Variants in TBC1D17 observed in about 807,000 individuals in gnomAD.
TBC1D17 encodes the protein TBC1 domain family member 17, also known as TBC1 domain family, member 17.
TBC1D17 carries 69 observed loss-of-function variants against 78.8 expected under a neutral mutation model. That is an observed-to-expected ratio of 0.88 (90% CI 0.72 to 1.07). The LOEUF (loss-of-function observed/expected upper bound fraction) is 1.07, where lower values mean the gene tolerates loss of function less well. TBC1D17 is among the 50% of genes least tolerant of loss of function. The pLI is 0.00. For missense variants in TBC1D17, 957 were observed against 861.0 expected (o/e 1.11, Z -1.39); for synonymous variants, 456 against 358.3 (o/e 1.27, Z -3.08).
chr19:49,880,767 C>T (rs989807056), intron 4 of TBC1D17, among the ~76,000 whole-genome samples: 3 of 152,198 alleles, frequency 2.0e-5, no homozygotes, highest in Non-Finnish European at 2.9e-5. Context: ...AGAGAAGGCA[C>T]GTGACCCCTC....
chr19:49,884,665 A>G lies in TBC1D17; in HGVS notation c.1351A>G (p.Asn451Asp), dbSNP rs759621307. 44 of 1,613,874 alleles carry G rather than the reference A, an allele frequency of 2.7e-5. No individual in the cohort carries two copies. Among genetic ancestry groups the G allele is most frequent in the Middle Eastern group, 1.6e-4 (1 of 6,084 alleles). Residue 451 changes from asparagine to aspartate, a missense_variant, in exon 13 of 17, where the codon AAC (asparagine) becomes GAC (aspartate). Coordinates refer to ENST00000221543, the MANE Select transcript of TBC1D17 (RefSeq NM_024682.3). ...FCGFMELVQG[N>D]FEESQETMKR... is the part of the protein sequence containing the mutation. ...CCCTCCTTCCGTCCCACAGCAAGGG[A>G]ACTTTGAAGAGAGCCAGGAGACCAT...
At chr19:49,879,979 G>A (rs866895250) in intron 3 of TBC1D17, among the ~76,000 whole-genome samples, 1 of 151,124 alleles carries the variant, frequency 6.6e-6, no homozygotes, top group Non-Finnish European at 1.5e-5. Context: ...TCACCCTCCC[G>A]AGTAGCTGGG....
At chr19:49,882,629 G>A (rs542696300) in intron 7 of TBC1D17, 135 bp from the exon 8 acceptor site, 354 of 1,405,096 alleles carry the variant, frequency 2.5e-4, no homozygotes, top group Non-Finnish European at 3.1e-4. Flanking sequence ...GCTGAGCCCC[G>A]GAAGAGGCTG....
chr19:49,884,409 C>G (rs775090573), intron 11 of TBC1D17, 40 bp downstream of exon 11: 1 of 1,613,786 alleles, frequency 6.2e-7, no homozygotes, highest in Non-Finnish European at 8.5e-7. Flanking sequence ...CCGGGGCTGT[C>G]CAGGGGAGCG....
Position 49,884,776 on chromosome 19 carries a change from G to A in TBC1D17, c.1444+18G>A, listed in dbSNP as rs1568677175. ...CTTCCTGGGTATGTCTCTCGGGAGGGTGGGCAGGAGACAATGGGGCCATAG... is the reference window on the plus strand; with the variant it reads ...CTTCCTGGGTATGTCTCTCGGGAGGATGGGCAGGAGACAATGGGGCCATAG... On this transcript the variant is annotated intron_variant, in intron 13 of 16. Coordinates refer to ENST00000221543, the MANE Select transcript of TBC1D17 (RefSeq NM_024682.3). 6.2e-7 allele frequency: 1 copy of A among 1,610,508 alleles called. No individual in the cohort carries two copies. Among genetic ancestry groups the A allele is most frequent in the Non-Finnish European group, 8.5e-7 (1 of 1,177,356 alleles).
At chr19:49,878,646 A>G (rs374533805) in intron 3 of TBC1D17, 74 bp downstream of exon 3, 49 of 1,423,648 alleles carry the variant, frequency 3.4e-5, no homozygotes, top group East Asian at 3.2e-4. Flanking sequence ...CATTTGAGGG[A>G]CCTGCGTACA....
intron 9 of TBC1D17, 60 bp downstream of exon 9, chr19:49,883,136 A>G: frequency 6.7e-7 from 1 of 1,483,040 alleles, no homozygotes; most frequent in Non-Finnish European, 9.2e-7. Flanking sequence ...CTAGGGCACC[A>G]ATGGGCAAGT....
chr19:49,877,964 G>A, intron 1 of TBC1D17, 179 bp from the exon 2 acceptor site: 2 of 719,796 alleles, frequency 2.8e-6, no homozygotes, highest in Non-Finnish European at 4.5e-6. Flanking sequence ...CCTGCCCCCT[G>A]TGGAACGCAC....
At chr19:49,888,170 G>A (rs1297673566) in intron 15 of TBC1D17, 61 bp from the exon 16 acceptor site, 4 of 1,550,028 alleles carry the variant, frequency 2.6e-6, no homozygotes, top group Admixed American at 2.0e-5. Context: ...GAAGCACAGA[G>A]TGGGCGCTCG....
intron 13 of TBC1D17, among the ~76,000 whole-genome samples, chr19:49,885,886 A>G (rs898194930): frequency 1.3e-5 from 2 of 151,298 alleles, no homozygotes; most frequent in Non-Finnish European, 2.9e-5. Context: ...GAGGCACAAG[A>G]ATCACTCGAA....
At position 49,883,745 on chromosome 19, in the gene TBC1D17, G is replaced by C. The variant is rs374232022; in HGVS notation, c.1126G>C (p.Glu376Gln). 3.1e-6 allele frequency: 5 copies of C among 1,613,386 alleles called. No homozygotes were observed. In the East Asian group the frequency reaches 1.1e-4, roughly 36 times the overall value. Residue 376 changes from glutamate to glutamine, a missense_variant and splice_region_variant, in exon 10 of 17, where the codon GAA becomes CAA. Physicochemically the swap from Glu to Gln is conservative, Grantham distance 29 (BLOSUM62 2). Transcript: ENST00000221543. ...TCTGCATGGATACCGCAGCCTCATC[G>C]GTCAGTGTCAGGGGTGGCACTTAGG... is the stretch of plus-strand genomic sequence containing the variant. ...SLLHGYRSLI[E>Q]RDVSRTDRTN...
At chr19:49,887,318 G>A (rs1328598580) in intron 13 of TBC1D17, 158 bp from the exon 14 acceptor site, 3 of 663,188 alleles carry the variant, frequency 4.5e-6, no homozygotes, top group Non-Finnish European at 8.0e-6. Context: ...GAGGGGCAGG[G>A]CCCGCGTTCA....
At chr19:49,884,154 G>T (rs1456586133) in intron 10 of TBC1D17, 99 bp from the exon 11 acceptor site, 3 of 1,079,766 alleles carry the variant, frequency 2.8e-6, no homozygotes, top group Non-Finnish European at 2.8e-6. Context: ...GAGGCTGGGG[G>T]CTGCCAGCAG....
At position 49,877,981 on chromosome 19, in the gene TBC1D17, A is replaced by T. The variant is rs728899; in HGVS notation, c.22-162A>T. On this transcript the variant is annotated intron_variant, in intron 1 of 16. Transcript: ENST00000221543. ...TGCCCCCTGTGGAACGCACGTCAGCATCCGAACGCGGGCTGGACCATTCTC... is the reference window on the plus strand; with the variant it reads ...TGCCCCCTGTGGAACGCACGTCAGCTTCCGAACGCGGGCTGGACCATTCTC... 7.8e-3 allele frequency: 5,531 copies of T among 710,542 alleles called. 21 individuals carry two copies. Among genetic ancestry groups the T allele is most frequent in the Non-Finnish European group, 0.01 (4,630 of 446,132 alleles). The allele number at this position is 710,542 out of a possible 1,614,324, so 44.0% of individuals were successfully genotyped here. A position where few individuals can be genotyped will look rare whatever the true frequency, so the allele number is the denominator to read the frequency against.
In TBC1D17 at chr19:49,887,780, C is replaced by T. The variant is rs1281521552; in HGVS notation, c.1605C>T (p.Asp535=). ...LHLLVACAIL[D]MERDTLMLSG... is the part of the protein sequence containing the mutation. ...TGCTGGTGGCCTGCGCCATCCTGGACATGGAGAGGGACACCCTCATGCTGT... is the reference window on the plus strand; with the variant it reads ...TGCTGGTGGCCTGCGCCATCCTGGATATGGAGAGGGACACCCTCATGCTGT... Residue 535 remains aspartate (D), a synonymous_variant, in exon 15 of 17, where the codon GAC becomes GAT. Transcript: ENST00000221543. 5 of 1,613,168 alleles carry T rather than the reference C, an allele frequency of 3.1e-6. No individual in the cohort carries two copies. The highest frequency in any genetic ancestry group is 1.7e-5 in the Admixed American group (1 of 59,948).
intron 13 of TBC1D17, among the ~76,000 whole-genome samples, chr19:49,886,373 C>T (rs2075058540): frequency 6.6e-6 from 1 of 151,988 alleles, no homozygotes; most frequent in Non-Finnish European, 1.5e-5. Context: ...GCTTTAGGAC[C>T]CCCGGGGGAG....
rs1376233972 is a variant in TBC1D17, at chr19:49,885,995, AAAAG to A, written c.1444+1238_1444+1241del. 4.7e-5 allele frequency among the ~76,000 whole-genome samples: 7 copies of A among 147,722 alleles called. No individual in the cohort carries two copies. In the East Asian group the frequency reaches 1.0e-3, roughly 22 times the overall value. Reference sequence around the variant, plus strand: ...GCCTCAAAAAAAAAAAAAAAAAAAAAAAAGGTCGGGTGTGGTGGCTCACGCCTGT... The same window carrying A: ...GCCTCAAAAAAAAAAAAAAAAAAAAAGTCGGGTGTGGTGGCTCACGCCTGT... On this transcript the variant is annotated intron_variant, in intron 13 of 16. Coordinates refer to ENST00000221543, the MANE Select transcript of TBC1D17 (RefSeq NM_024682.3).
chr19:49,879,207 G>C (rs141100313), intron 3 of TBC1D17: 1 of 152,432 alleles, frequency 6.6e-6, no homozygotes, highest in African/African-American at 2.4e-5. Context: ...AGGACAAGAA[G>C]GTATTTCAGG....
chr19:49,878,414 G>A, intron 2 of TBC1D17, 84 bp from the exon 3 acceptor site: 2 of 1,419,788 alleles, frequency 1.4e-6, no homozygotes, highest in Non-Finnish European at 2.0e-6. Flanking sequence ...GGTAGAAACT[G>A]GGAAAGTTTG....
Sources: gnomAD v4.1 joint callset for allele counts (sites outside exome capture counted in the v4.1 genomes callset) on GRCh38, gnomAD v4.1.1 for gene constraint, MANE v1.5 for transcripts, NCBI Gene and HGNC (gene_info 2026-07-23, HGNC 2026-07-21) for gene names.